SND1: variants seen among roughly 807,000 people sequenced by gnomAD.
The protein encoded by SND1 is staphylococcal nuclease and tudor domain containing 1, also known as staphylococcal nuclease domain-containing protein 1.
SND1 carries 38 observed loss-of-function variants against 121.7 expected under a neutral mutation model. The observed-to-expected ratio is 0.31, with a 90% CI of 0.24 to 0.41. The LOEUF (loss-of-function observed/expected upper bound fraction) is 0.41, where lower values mean the gene tolerates loss of function less well. SND1 is among the 10% of genes least tolerant of loss of function. The pLI is 1.00. For missense variants in SND1, 868 were observed against 1,184.6 expected (o/e 0.73, Z 3.92); for synonymous variants, 401 against 447.4 (o/e 0.90, Z 1.31).
intron 13 of SND1, among the ~76,000 whole-genome samples, chr7:127,893,954 C>T (rs531609732): frequency 1.0e-3 from 156 of 152,192 alleles, no homozygotes; most frequent in African/African-American, 3.6e-3. Context: ...CCCATAAGCA[C>T]CAGTCTCTTG....
Position 127,694,871 on chromosome 7 carries a change from T to A in SND1, c.272T>A (p.Ile91Asn). 2 of 1,613,996 alleles carry A rather than the reference T, an allele frequency of 1.2e-6. No homozygotes were observed. Among genetic ancestry groups the A allele is most frequent in the Non-Finnish European group, 1.7e-6 (2 of 1,179,906 alleles). Residue 91 changes from isoleucine to asparagine, a missense_variant, in exon 3 of 24, where the codon ATT (isoleucine) becomes AAT (asparagine). Physicochemically the swap from Ile to Asn is moderately radical, Grantham distance 149. Around this residue, in one of 2 missense-constraint regions of SND1, gnomAD observed 743 missense variants for 1,071.3 expected, o/e 0.69. Transcript: ENST00000354725. Reference protein sequence around the residue: ...PAREFLRKKLIGKEVCFTIEN... With the variant: ...PAREFLRKKLNGKEVCFTIEN... Reference sequence around the variant, plus strand: ...CGAGAGTTCCTTCGAAAGAAGCTGATTGGGAAGGAAGTCTGTTTCACGATA... The same window carrying A: ...CGAGAGTTCCTTCGAAAGAAGCTGAATGGGAAGGAAGTCTGTTTCACGATA...
In SND1 at chr7:127,773,961, G is replaced by A. The variant is rs547714527; in HGVS notation, c.1153-33523G>A. 2.6e-5 allele frequency among the ~76,000 whole-genome samples: 4 copies of A among 152,208 alleles called. No homozygotes were observed. In the East Asian group the frequency reaches 7.7e-4, roughly 29 times the overall value. On this transcript the variant is annotated intron_variant, in intron 10 of 23. Transcript: ENST00000354725. Reference sequence around the variant, plus strand: ...CTCACATGTTGGAGGTGATGCTGGTGTAAACAAGCCTACTGCACTTCCAGT... The same window carrying A: ...CTCACATGTTGGAGGTGATGCTGGTATAAACAAGCCTACTGCACTTCCAGT...
intron 10 of SND1, among the ~76,000 whole-genome samples, chr7:127,756,676 G>C (rs1033099185): frequency 6.6e-6 from 1 of 152,254 alleles, no homozygotes; most frequent in Middle Eastern, 3.4e-3. Flanking sequence ...GCTAGGATAT[G>C]TGGCGACTTA....
intron 15 of SND1, among the ~76,000 whole-genome samples, chr7:127,947,349 G>GA: frequency 6.6e-6 from 1 of 152,306 alleles, no homozygotes; most frequent in East Asian, 1.9e-4. Context: ...GCTGCCCCTA[G>GA]ATATGCCAGG....
At chr7:127,957,976 A>T (rs1329450868) in intron 15 of SND1, among the ~76,000 whole-genome samples, 1 of 152,242 alleles carries the variant, frequency 6.6e-6, no homozygotes, top group Admixed American at 6.5e-5. Flanking sequence ...TGCTGGGGTT[A>T]CAGGCGTGTG....
chr7:127,853,013 T>C (rs1009538399), intron 12 of SND1, among the ~76,000 whole-genome samples: 12 of 139,118 alleles, frequency 8.6e-5, no homozygotes, highest in African/African-American at 3.5e-4. Context: ...GTAGGTCTAC[T>C]TCTCTTGGAC....
At chr7:127,728,541 T>C (rs1796620633) in intron 10 of SND1, among the ~76,000 whole-genome samples, 1 of 152,158 alleles carries the variant, frequency 6.6e-6, no homozygotes, top group Non-Finnish European at 1.5e-5. Context: ...TGAAGGCCCC[T>C]TTAGGCCAGA....
At chr7:128,065,871 G>A (rs987791449) in intron 16 of SND1, among the ~76,000 whole-genome samples, 3 of 152,186 alleles carry the variant, frequency 2.0e-5, no homozygotes, top group Admixed American at 2.0e-4. Flanking sequence ...CTCTGGCTTG[G>A]GAGACCTTTG....
At chr7:127,728,308 A>C (rs969031221) in intron 10 of SND1, among the ~76,000 whole-genome samples, 4 of 151,806 alleles carry the variant, frequency 2.6e-5, no homozygotes, top group African/African-American at 7.3e-5. Flanking sequence ...ATCAATCCAT[A>C]TCTCTCTCTT....
chr7:127,925,787 G>A lies in SND1; in HGVS notation c.1528-3401G>A, dbSNP rs374418565. ...CCCAACTAATTTTTGTATTTTTAGGGTTTCACCATGTTGGCCAGGCTGGTC... is the reference window on the plus strand; with the variant it reads ...CCCAACTAATTTTTGTATTTTTAGGATTTCACCATGTTGGCCAGGCTGGTC... On this transcript the variant is annotated intron_variant, in intron 14 of 23. Transcript: ENST00000354725. Among the ~76,000 whole-genome samples, 50 of 151,718 alleles carry A rather than the reference G, an allele frequency of 3.3e-4. No homozygotes were observed. In the East Asian group the frequency reaches 4.3e-3, roughly 13 times the overall value.
intron 15 of SND1, among the ~76,000 whole-genome samples, chr7:127,975,318 T>C (rs556426797): frequency 5.7e-4 from 87 of 152,182 alleles, no homozygotes; most frequent in Non-Finnish European, 1.0e-3. Flanking sequence ...GCATTACTTG[T>C]GTTTGTATGT....
intron 11 of SND1, among the ~76,000 whole-genome samples, chr7:127,810,585 G>A (rs548667547): frequency 3.3e-5 from 5 of 152,182 alleles, no homozygotes; most frequent in Admixed American, 2.0e-4. Flanking sequence ...GTGTGAATAC[G>A]ATGGTGAGAC....
intron 3 of SND1, among the ~76,000 whole-genome samples, chr7:127,696,223 G>T (rs1052499878): frequency 1.3e-5 from 2 of 152,162 alleles, no homozygotes; most frequent in East Asian, 3.9e-4. Context: ...ACAGTATTCT[G>T]CTAAGACTCT....
At chr7:128,031,954 A>T (rs1165091857) in intron 16 of SND1, 1 of 149,960 alleles carries the variant, frequency 6.7e-6, no homozygotes, top group Non-Finnish European at 1.5e-5. Flanking sequence ...GCCCAGGAAC[A>T]TAGTCCCCGC....
intron 16 of SND1, among the ~76,000 whole-genome samples, chr7:128,046,230 T>C (rs1256302693): frequency 2.6e-5 from 4 of 152,140 alleles, no homozygotes; most frequent in Admixed American, 1.3e-4. Context: ...CCTGCCTAGC[T>C]GGGACTATAG....
intron 9 of SND1, among the ~76,000 whole-genome samples, chr7:127,710,141 C>T (rs1009540138): frequency 3.3e-5 from 5 of 151,802 alleles, no homozygotes; most frequent in Admixed American, 2.6e-4. Context: ...AAAAATATAT[C>T]GTGGCATGTG....
chr7:127,982,141 GT>G (rs990653004), intron 15 of SND1, among the ~76,000 whole-genome samples: 1 of 152,192 alleles, frequency 6.6e-6, no homozygotes, highest in African/African-American at 2.4e-5. Flanking sequence ...CTTAAGGCAT[GT>G]TTAACAGCCA....
At chr7:127,746,066 ACACAGAACACTGT>A (rs1223724177) in intron 10 of SND1, among the ~76,000 whole-genome samples, 1 of 152,154 alleles carries the variant, frequency 6.6e-6, no homozygotes, top group Non-Finnish European at 1.5e-5. Context: ...ATTTTTGACA[ACACAGAACACTGT>A]CACAGGACAC....
At chr7:127,746,473 T>C (rs995347324) in intron 10 of SND1, among the ~76,000 whole-genome samples, 1 of 152,116 alleles carries the variant, frequency 6.6e-6, no homozygotes, top group African/African-American at 2.4e-5. Context: ...TGGGAGTGAA[T>C]AGCAGGAACC....
Sources: gnomAD v4.1 joint callset for allele counts (sites outside exome capture counted in the v4.1 genomes callset) on GRCh38, gnomAD v4.1.1 for gene constraint, gnomAD v4.1.1 regional missense constraint, MANE v1.5 for transcripts, NCBI Gene and HGNC (gene_info 2026-07-23, HGNC 2026-07-21) for gene names.